Variants in GMPS observed in about 807,000 individuals in gnomAD.
GMPS encodes GMP synthase [glutamine-hydrolyzing].
GMPS carries 15 observed loss-of-function variants against 77.9 expected under a neutral mutation model. The observed-to-expected ratio is 0.19, with a 90% CI of 0.13 to 0.30. The LOEUF is 0.30. GMPS is among the 10% of genes least tolerant of loss of function. The pLI, the probability that GMPS is intolerant of heterozygous loss-of-function variation, is 1.00. For missense variants in GMPS, 590 were observed against 838.8 expected, an observed-to-expected ratio of 0.70 and a Z score of 3.66; for synonymous variants, 224 against 275.9, an observed-to-expected ratio of 0.81 and a Z score of 1.86.
chr3:155,919,061 G>A (rs182967201), intron 9 of GMPS, among the ~76,000 whole-genome samples, 172 bp from the exon 10 acceptor site: 10 of 152,176 alleles, frequency 6.6e-5, no homozygotes, highest in Admixed American at 2.0e-4. Flanking sequence ...TAAGATATTC[G>A]TCTAATTCCT....
rs1360201030 is a variant in GMPS, at chr3:155,906,178, AGTT to A, written c.445_447del (p.Val149del). 6.2e-7 allele frequency: 1 copy of A among 1,600,756 alleles called. No homozygotes were observed. The highest frequency in any genetic ancestry group is 2.2e-5 in the East Asian group (1 of 44,524). On this transcript the variant is annotated inframe_deletion, in exon 5 of 16. Transcript: ENST00000496455. The stretch of plus-strand genomic sequence containing the variant: ...TGTTTAGGGGCCTTCAGAAGGAAGA[AGTT>A]GTTTTGCTTACACATGGAGATAGTG...
intron 4 of GMPS, 63 bp downstream of exon 4, chr3:155,904,023 T>G (rs538986208): frequency 1.6e-5 from 11 of 669,308 alleles, no homozygotes; most frequent in Non-Finnish European, 2.8e-5. Flanking sequence ...GATACTATTA[T>G]TTTTAACAAT....
chr3:155,910,473 G>A (rs1755010382), intron 5 of GMPS, among the ~76,000 whole-genome samples: 1 of 150,306 alleles, frequency 6.7e-6, no homozygotes, highest in Non-Finnish European at 1.5e-5. Flanking sequence ...GGAGCCTGAG[G>A]CATGAGAATT....
Position 155,919,218 on chromosome 3 carries a change from C to A in GMPS, c.1213-15C>A. The A allele has an allele frequency of 8.0e-7, 1 of 1,254,354 alleles. No individual in the cohort carries two copies. The highest frequency in any genetic ancestry group is 2.4e-5 in the East Asian group (1 of 41,152). 77.7% of individuals were successfully genotyped at this position (1,254,354 alleles called of 1,614,324 possible). ...GTTACTAGTTTATATTGGTTGGCTT[C>A]TTTCCTCCCTGTAGGGAAAAGTAAT... is the stretch of plus-strand genomic sequence containing the variant. On this transcript the variant is annotated splice_polypyrimidine_tract_variant and intron_variant, in intron 9 of 15. Coordinates refer to ENST00000496455, the MANE Select transcript of GMPS (RefSeq NM_003875.3).
At chr3:155,879,583 T>G (rs1049147755) in intron 1 of GMPS, among the ~76,000 whole-genome samples, 1 of 152,142 alleles carries the variant, frequency 6.6e-6, no homozygotes, top group African/African-American at 2.4e-5. Context: ...TCTTTTTGAT[T>G]ATAGCCATCA....
intron 1 of GMPS, among the ~76,000 whole-genome samples, chr3:155,871,779 C>T (rs944513699): frequency 6.6e-6 from 1 of 152,230 alleles, no homozygotes; most frequent in African/African-American, 2.4e-5. Flanking sequence ...AAGTTGCCGC[C>T]TTGACGTACC....
intron 7 of GMPS, 73 bp downstream of exon 7, chr3:155,911,352 A>C (rs749152105): frequency 1.5e-5 from 13 of 885,756 alleles, no homozygotes; most frequent in Admixed American, 3.2e-5. Flanking sequence ...TATGGTTTAA[A>C]TGAGCACAAT....
At chr3:155,871,236 C>T (rs1349828066) in intron 1 of GMPS, among the ~76,000 whole-genome samples, 2 of 151,936 alleles carry the variant, frequency 1.3e-5, no homozygotes, top group Non-Finnish European at 2.9e-5. Flanking sequence ...GGGCGGCGAG[C>T]GGGCTTGTGT....
At chr3:155,933,689 A>T (rs1443602195) in intron 13 of GMPS, among the ~76,000 whole-genome samples, 2 of 152,202 alleles carry the variant, frequency 1.3e-5, no homozygotes, top group African/African-American at 4.8e-5. Context: ...AAACTTTACC[A>T]TGATAGTTTC....
At chr3:155,935,168 G>A (rs1016725408) in intron 14 of GMPS, 122 bp downstream of exon 14, 44 of 740,578 alleles carry the variant, frequency 5.9e-5, no homozygotes, top group Non-Finnish European at 8.9e-5. Context: ...TTAAATCTTT[G>A]AATGTTCTAT....
chr3:155,911,405 T>A, intron 7 of GMPS, 126 bp downstream of exon 7: 4 of 548,600 alleles, frequency 7.3e-6, no homozygotes, highest in Non-Finnish European at 1.2e-5. Flanking sequence ...TGTTTTTTAT[T>A]TTTACAATTA....
At chr3:155,912,788 G>A (rs1035715989) in intron 7 of GMPS, among the ~76,000 whole-genome samples, 4 of 152,164 alleles carry the variant, frequency 2.6e-5, no homozygotes, top group African/African-American at 9.7e-5. Flanking sequence ...TGGGAAGGAA[G>A]CCAATAAAAA....
chr3:155,894,355 C>T (rs755840143), intron 2 of GMPS, among the ~76,000 whole-genome samples: 2 of 152,114 alleles, frequency 1.3e-5, no homozygotes, highest in Non-Finnish European at 2.9e-5. Flanking sequence ...TCTCGAGTAG[C>T]TGGAAGTACA....
Position 155,939,534 on chromosome 3 carries a change from G to T in GMPS, c.*1842G>T. 1 of 204,252 alleles carries T rather than the reference G, an allele frequency of 4.9e-6. No homozygotes were observed. Among genetic ancestry groups the T allele is most frequent in the Non-Finnish European group, 1.0e-5 (1 of 99,682 alleles). 12.7% of individuals were successfully genotyped at this position (204,252 alleles called of 1,614,324 possible). On this transcript the variant is annotated 3_prime_UTR_variant, in exon 16 of 16. Transcript: ENST00000496455. ...AACATAAGCTCACTTGTCCTTTCCTGGAGATTCATGGTATATAATATTCAA... is the reference window on the plus strand; with the variant it reads ...AACATAAGCTCACTTGTCCTTTCCTTGAGATTCATGGTATATAATATTCAA...
At chr3:155,928,389 T>C (rs1266745811) in intron 12 of GMPS, among the ~76,000 whole-genome samples, 1 of 152,204 alleles carries the variant, frequency 6.6e-6, no homozygotes, top group East Asian at 1.9e-4. Context: ...TTTCACATTC[T>C]TAGTACCTGC....
At chr3:155,871,434 G>A (rs2108038548) in intron 1 of GMPS, among the ~76,000 whole-genome samples, 1 of 152,262 alleles carries the variant, frequency 6.6e-6, no homozygotes, top group Admixed American at 6.5e-5. Context: ...GGCGAGGCCC[G>A]CTCCATTCCC....
chr3:155,941,598 T>C lies in GMPS; in HGVS notation c.*3906T>C, dbSNP rs533065447. ...CTCCCCTCCAGAAATCTCATTGATA[T>C]GTGGCGAGGACACGCCTTAGCTATC... On this transcript the variant is annotated 3_prime_UTR_variant, in exon 16 of 16. Transcript: ENST00000496455. The C allele has an allele frequency of 7.4e-4, 164 of 221,484 alleles. No homozygotes were observed. The highest frequency in any genetic ancestry group is 3.3e-3 in the African/African-American group (147 of 44,826). The allele number at this position is 221,484 out of a possible 1,614,324, so 13.7% of individuals were successfully genotyped here.
intron 13 of GMPS, among the ~76,000 whole-genome samples, chr3:155,932,277 AACACACAC>A (rs10548751): frequency 1.6e-4 from 23 of 141,240 alleles, no homozygotes; most frequent in African/African-American, 2.9e-4. Context: ...CAAATAAAGT[AACACACAC>A]ACACACACAC....
intron 10 of GMPS, among the ~76,000 whole-genome samples, chr3:155,920,095 T>G (rs1411679319): frequency 6.6e-6 from 1 of 152,200 alleles, no homozygotes; most frequent in Non-Finnish European, 1.5e-5. Context: ...TCTTATTTAA[T>G]CTTCACAGTG....
Sources: gnomAD v4.1 joint callset for allele counts (sites outside exome capture counted in the v4.1 genomes callset) on GRCh38, gnomAD v4.1.1 for gene constraint, MANE v1.5 for transcripts, NCBI Gene and HGNC (gene_info 2026-07-23, HGNC 2026-07-21) for gene names.